Variants in SBF2 observed in about 807,000 individuals in gnomAD.
The protein encoded by SBF2 is myotubularin-related protein 13.
In SBF2, 112 loss-of-function variants were observed where a neutral mutation model predicts 225.2. The observed-to-expected ratio is 0.50, with a 90% CI of 0.43 to 0.58. The LOEUF is 0.58. SBF2 is among the 20% of genes least tolerant of loss of function. SBF2 has a pLI of 0.00. For missense variants in SBF2, 1,996 were observed against 2,206.2 expected (o/e 0.90, Z 1.91); for synonymous variants, 763 against 773.3 (o/e 0.99, Z 0.22).
intron 33 of SBF2, among the ~76,000 whole-genome samples, chr11:9,794,895 A>C (rs1333244420): frequency 6.6e-6 from 1 of 152,106 alleles, no homozygotes; most frequent in Non-Finnish European, 1.5e-5. Context: ...TATCAAAAGT[A>C]TGCAGTATCA....
intron 2 of SBF2, among the ~76,000 whole-genome samples, chr11:10,108,771 G>A (rs528313858): frequency 5.2e-4 from 79 of 152,034 alleles, no homozygotes; most frequent in Middle Eastern, 3.4e-3. Context: ...TGATCCGCCC[G>A]CCTCTGCCTC....
At chr11:9,990,689 C>A (rs1442747586) in intron 12 of SBF2, among the ~76,000 whole-genome samples, 2 of 152,128 alleles carry the variant, frequency 1.3e-5, no homozygotes, top group African/African-American at 2.4e-5. Context: ...TCAGTAGGAA[C>A]CTTGGACAGA....
At chr11:10,248,437 A>G (rs558098828) in intron 1 of SBF2, among the ~76,000 whole-genome samples, 4 of 152,218 alleles carry the variant, frequency 2.6e-5, no homozygotes, top group Non-Finnish European at 4.4e-5. Flanking sequence ...CCTGCTTTAC[A>G]GTTAGGTAAG....
chr11:10,184,257 T>A (rs976269296), intron 2 of SBF2, among the ~76,000 whole-genome samples: 5 of 152,236 alleles, frequency 3.3e-5, no homozygotes, highest in African/African-American at 1.2e-4. Flanking sequence ...TGGATCTACA[T>A]GTCTATTCCT....
intron 2 of SBF2, among the ~76,000 whole-genome samples, chr11:10,173,700 T>G (rs889938973): frequency 1.3e-5 from 2 of 151,948 alleles, no homozygotes; most frequent in Non-Finnish European, 2.9e-5. Flanking sequence ...GCTCCACCTC[T>G]GGGGGCAGGG....
chr11:9,918,283 T>C (rs1391539178), intron 16 of SBF2, among the ~76,000 whole-genome samples: 4 of 152,184 alleles, frequency 2.6e-5, no homozygotes. Flanking sequence ...ATCAGATTGC[T>C]TCTCTGTTTT....
intron 1 of SBF2, among the ~76,000 whole-genome samples, chr11:10,259,864 A>T (rs1288730433): frequency 2.0e-5 from 3 of 152,210 alleles, no homozygotes; most frequent in African/African-American, 2.4e-5. Context: ...AAAATTTAAA[A>T]GAAAAAATAG....
intron 16 of SBF2, among the ~76,000 whole-genome samples, chr11:9,937,621 A>G (rs1167084590): frequency 6.6e-6 from 1 of 152,190 alleles, no homozygotes; most frequent in Non-Finnish European, 1.5e-5. Context: ...GGAGAATACA[A>G]TATGACAAGA....
intron 2 of SBF2, among the ~76,000 whole-genome samples, chr11:10,167,574 GAATA>G (rs753098172): frequency 2.0e-5 from 3 of 151,740 alleles, no homozygotes; most frequent in Non-Finnish European, 4.4e-5. Context: ...TCTTCTAAAT[GAATA>G]AATAAATAAA....
chr11:10,177,731 T>TA (rs1442818921), intron 2 of SBF2, among the ~76,000 whole-genome samples: 1 of 150,940 alleles, frequency 6.6e-6, no homozygotes, highest in Non-Finnish European at 1.5e-5. Context: ...TGCTCATGGG[T>TA]AGGAAGAATC....
At chr11:9,813,601 C>G (rs1854308178) in intron 29 of SBF2, among the ~76,000 whole-genome samples, 1 of 152,194 alleles carries the variant, frequency 6.6e-6, no homozygotes, top group Non-Finnish European at 1.5e-5. Context: ...GCTGAGATTA[C>G]AGGCGTGAGC....
chr11:10,247,608 T>C (rs1308663320), intron 1 of SBF2, among the ~76,000 whole-genome samples: 1 of 151,628 alleles, frequency 6.6e-6, no homozygotes, highest in Non-Finnish European at 1.5e-5. Context: ...GGCAGGAGAA[T>C]TGCTTGAACC....
rs1949189908 is a variant in SBF2 at position 10,029,822 on chromosome 11, C to T, written c.456G>A (p.Leu152=). 1 of 1,613,922 alleles carries T rather than the reference C, an allele frequency of 6.2e-7. No homozygotes were observed. Among genetic ancestry groups the T allele is most frequent in the South Asian group, 1.1e-5 (1 of 91,084 alleles). The change falls in exon 5 of 40, where the codon TTG becomes TTA. Residue 152 remains leucine (L), a synonymous_variant. Transcript: ENST00000256190. ...CACAAAGGTTTGCAATTAGACTTTCCAAGGAGACATTCAGGCTGTCCACAT... is the reference window on the plus strand; with the variant it reads ...CACAAAGGTTTGCAATTAGACTTTCTAAGGAGACATTCAGGCTGTCCACAT... ...TVYVDSLNVS[L]ESLIANLCAC...
intron 1 of SBF2, among the ~76,000 whole-genome samples, chr11:10,205,770 C>A (rs1957731418): frequency 6.6e-6 from 1 of 152,010 alleles, no homozygotes; most frequent in Admixed American, 6.6e-5. Context: ...GCAAGAGAGA[C>A]CCCATCACAA....
intron 17 of SBF2, among the ~76,000 whole-genome samples, chr11:9,860,871 C>G (rs1445666113): frequency 6.6e-6 from 1 of 151,968 alleles, no homozygotes; most frequent in African/African-American, 2.4e-5. Context: ...ATCAGCATGC[C>G]AAAAAAGTTA....
chr11:10,300,107 G>A lies in SBF2; in HGVS notation n.386+4385C>T, dbSNP rs148948104. ...TTGCACATGCTGTTTCCTCCATTTC[G>A]AATATTAGATCCCCCTAGTCTTGCT... On this transcript the variant is annotated intron_variant and non_coding_transcript_variant, in intron 1 of 5. Coordinates refer to the SBF2 transcript ENST00000685217. 4.6e-5 allele frequency among the ~76,000 whole-genome samples: 7 copies of A among 152,038 alleles called. No individual in the cohort carries two copies. The East Asian group carries it at 9.7e-4, about 21-fold the overall frequency.
intron 2 of SBF2, among the ~76,000 whole-genome samples, chr11:10,071,342 C>G (rs1159827588): frequency 6.8e-6 from 1 of 147,052 alleles, no homozygotes; most frequent in African/African-American, 2.5e-5. Flanking sequence ...TCTGAGCTCA[C>G]GGCAAGCTCT....
chr11:9,829,241 A>G (rs1443342682), intron 28 of SBF2, 115 bp downstream of exon 28: 2 of 1,232,484 alleles, frequency 1.6e-6, no homozygotes, highest in African/African-American at 1.5e-5. Context: ...TAAAACTTTT[A>G]AGAAGTCTTG....
chr11:10,103,196 A>G (rs1466912638), intron 2 of SBF2, among the ~76,000 whole-genome samples: 2 of 152,192 alleles, frequency 1.3e-5, no homozygotes, highest in Non-Finnish European at 2.9e-5. Flanking sequence ...CTGAAATTCT[A>G]TTTTGTGATA....
Sources: gnomAD v4.1 joint callset for allele counts (sites outside exome capture counted in the v4.1 genomes callset) on GRCh38, gnomAD v4.1.1 for gene constraint, MANE v1.5 for transcripts, NCBI Gene and HGNC (gene_info 2026-07-23, HGNC 2026-07-21) for gene names.